Variants in LSM14A observed in about 807,000 individuals in gnomAD.
The protein encoded by LSM14A is protein LSM14 homolog A.
A neutral mutation model predicts 52.4 loss-of-function variants in LSM14A; 14 were observed. That is an observed-to-expected ratio of 0.27 (90% CI 0.18 to 0.42). The LOEUF is 0.42. Ranked by LOEUF, LSM14A falls within the 10% of genes least tolerant of loss-of-function variation. The pLI is 1.00. For synonymous variants in LSM14A, 185 were observed against 200.3 expected (o/e 0.92, Z 0.64); for missense variants, 417 against 581.8 (o/e 0.72, Z 2.91).
rs142773278 is a variant in LSM14A at position 34,198,725 on chromosome 19, G to A, written c.415+1962G>A. On this transcript the variant is annotated intron_variant, in intron 3 of 9. Coordinates refer to ENST00000544216, the MANE Select transcript of LSM14A (RefSeq NM_015578.4). Reference sequence around the variant, plus strand: ...CAGAGGGCTGGGTGCGGTGGCTTACGCCTGTAATCCCAGCACTTTGGGAGG... The same window carrying A: ...CAGAGGGCTGGGTGCGGTGGCTTACACCTGTAATCCCAGCACTTTGGGAGG... Among the ~76,000 whole-genome samples the A allele has an allele frequency of 8.5e-3, 1,296 of 152,160 alleles. 10 individuals are homozygous for A. Among genetic ancestry groups the A allele is most frequent in the South Asian group, 0.02 (98 of 4,820 alleles).
In LSM14A at chr19:34,192,316, G is replaced by GTTTTT. The variant is rs1306000214; in HGVS notation, c.122-2160_122-2159insTTTTT. 1.9e-3 allele frequency among the ~76,000 whole-genome samples: 125 copies of GTTTTT among 65,752 alleles called. 6 individuals carry two copies. The highest frequency in any genetic ancestry group is 2.8e-3 in the Non-Finnish European group (98 of 34,528). 43.1% of individuals were successfully genotyped at this position (65,752 alleles called of 152,430 possible). On this transcript the variant is annotated intron_variant, in intron 1 of 9. Coordinates refer to ENST00000544216, the MANE Select transcript of LSM14A (RefSeq NM_015578.4). ...TTTACACTGAAATAACATTCTTTTT[G>GTTTTT]TTGTTTTTTTTTTTTTTTTTTTTTT...
chr19:34,198,366 C>T lies in LSM14A; in HGVS notation c.415+1603C>T, dbSNP rs558783627. Reference sequence around the variant, plus strand: ...GCGCGGTGGCTCACGCCTGTAATCCCAGCACTTTGGGAGGCTGTGGGCGGA... The same window carrying T: ...GCGCGGTGGCTCACGCCTGTAATCCTAGCACTTTGGGAGGCTGTGGGCGGA... On this transcript the variant is annotated intron_variant, in intron 3 of 9. Coordinates refer to ENST00000544216, the MANE Select transcript of LSM14A (RefSeq NM_015578.4). Among the ~76,000 whole-genome samples, 3 of 152,174 alleles carry T rather than the reference C, an allele frequency of 2.0e-5. No homozygotes were observed. In the East Asian group the frequency reaches 5.8e-4, roughly 29 times the overall value.
At chr19:34,201,722 T>G (rs1286564386) in intron 3 of LSM14A, among the ~76,000 whole-genome samples, 1 of 152,250 alleles carries the variant, frequency 6.6e-6, no homozygotes, top group African/African-American at 2.4e-5. Flanking sequence ...ATTCTGATTT[T>G]AAAAGGAAAT....
intron 3 of LSM14A, among the ~76,000 whole-genome samples, chr19:34,200,482 G>T (rs2071213177): frequency 6.6e-6 from 1 of 152,044 alleles, no homozygotes; most frequent in Non-Finnish European, 1.5e-5. Flanking sequence ...AGGTGGTTTT[G>T]AAGTATTTAA....
intron 9 of LSM14A, among the ~76,000 whole-genome samples, chr19:34,227,038 T>A: frequency 6.6e-6 from 1 of 152,230 alleles, no homozygotes; most frequent in Non-Finnish European, 1.5e-5. Flanking sequence ...TGAGTTTGAC[T>A]ATTGAGTTGA....
chr19:34,210,563 C>T lies in LSM14A; in HGVS notation c.538+1512C>T, dbSNP rs529398328. ...CTGGGATTGTAGATGTGAGCCACTG[C>T]GTCCAGCCTACTTGCTTAATTTTTA... On this transcript the variant is annotated intron_variant, in intron 4 of 9. Transcript: ENST00000544216. Among the ~76,000 whole-genome samples, 11 of 148,820 alleles carry T rather than the reference C, an allele frequency of 7.4e-5. No homozygotes were observed. In the South Asian group the frequency reaches 1.5e-3, roughly 20 times the overall value.
chr19:34,182,460 C>G (rs536226177), intron 1 of LSM14A, among the ~76,000 whole-genome samples: 1 of 152,084 alleles, frequency 6.6e-6, no homozygotes, highest in Non-Finnish European at 1.5e-5. Flanking sequence ...AATGTGATCA[C>G]ACTGGTTTGT....
At position 34,219,832 on chromosome 19, in the gene LSM14A, A is replaced by G. The variant is rs778162704; in HGVS notation, c.1091A>G (p.Asp364Gly). The G allele has an allele frequency of 6.2e-7, 1 of 1,613,404 alleles. No individual in the cohort carries two copies. Among genetic ancestry groups the G allele is most frequent in the Non-Finnish European group, 8.5e-7 (1 of 1,179,364 alleles). ...EDPLGPNCYY[D>G]KTKSFFDNIS... is the part of the protein sequence containing the mutation. The stretch of plus-strand genomic sequence containing the variant: ...CCACTTGGACCTAATTGCTATTATG[A>G]CAAAACTAAATCCTTCTTTGATAAT... Residue 364 changes from aspartate (D) to glycine (G), a missense_variant, in exon 8 of 10, where the codon GAC becomes GGC. Around this residue, in one of 2 missense-constraint regions of LSM14A, gnomAD observed 357 missense variants for 457.0 expected, o/e 0.78. Transcript: ENST00000544216.
intron 1 of LSM14A, among the ~76,000 whole-genome samples, chr19:34,179,977 G>A (rs1457195140): frequency 6.6e-6 from 1 of 152,172 alleles, no homozygotes; most frequent in Middle Eastern, 3.2e-3. Context: ...TGCCCAGGCT[G>A]GAGTGCAGTG....
intron 3 of LSM14A, among the ~76,000 whole-genome samples, chr19:34,202,428 G>C (rs2071367545): frequency 1.3e-5 from 2 of 151,190 alleles, no homozygotes; most frequent in Admixed American, 1.3e-4. Flanking sequence ...GAGAGGTAGA[G>C]GTTGCAATGA....
rs988108246 is a variant in LSM14A, at chr19:34,201,588, G to A, written c.415+4825G>A. The stretch of plus-strand genomic sequence containing the variant: ...AAACTCCTGACCTCTTGATCCGCCC[G>A]CCTCAGCCTCCCAAAGTGCTGGGAT... On this transcript the variant is annotated intron_variant, in intron 3 of 9. Transcript: ENST00000544216. Among the ~76,000 whole-genome samples, 9 of 152,226 alleles carry A rather than the reference G, an allele frequency of 5.9e-5. No individual in the cohort carries two copies. The South Asian group carries it at 1.0e-3, about 18-fold the overall frequency.
intron 1 of LSM14A, among the ~76,000 whole-genome samples, chr19:34,175,952 T>G (rs1441398972): frequency 6.6e-6 from 1 of 151,728 alleles, no homozygotes; most frequent in Non-Finnish European, 1.5e-5. Flanking sequence ...ACCTCCCGGG[T>G]TCAAGCAGTT....
intron 9 of LSM14A, 166 bp downstream of exon 9, chr19:34,221,904 A>G: frequency 1.9e-5 from 25 of 1,327,404 alleles, no homozygotes; most frequent in Non-Finnish European, 2.4e-5. Context: ...ATATATAAAG[A>G]CATTATACAA....
intron 3 of LSM14A, among the ~76,000 whole-genome samples, chr19:34,205,235 C>T (rs3097339): frequency 0.35 from 52,971 of 151,592 alleles, 9,705 homozygotes; most frequent in African/African-American, 0.4. Flanking sequence ...ACCTGTAATC[C>T]CAGCACTTTG....
intron 1 of LSM14A, among the ~76,000 whole-genome samples, chr19:34,174,368 C>T (rs2068932758): frequency 1.3e-5 from 2 of 152,230 alleles, no homozygotes. Context: ...GATAGTTGCA[C>T]AACTCTGCAA....
chr19:34,215,749 T>C, intron 6 of LSM14A, 88 bp downstream of exon 6: 2 of 958,948 alleles, frequency 2.1e-6, no homozygotes, highest in Non-Finnish European at 3.2e-6. Context: ...TATAAAAAAA[T>C]GAAAGGCGGG....
intron 2 of LSM14A, among the ~76,000 whole-genome samples, chr19:34,195,624 C>G (rs2070776477): frequency 2.0e-5 from 3 of 152,152 alleles, no homozygotes; most frequent in Non-Finnish European, 4.4e-5. Flanking sequence ...CTCTCATCTA[C>G]CCCTACCCTT....
chr19:34,202,049 TGG>T (rs1322748595), intron 3 of LSM14A, among the ~76,000 whole-genome samples: 1 of 151,620 alleles, frequency 6.6e-6, no homozygotes, highest in Admixed American at 6.6e-5. Flanking sequence ...CTCGAACTCC[TGG>T]GTTCAGTCTG....
At chr19:34,186,827 C>T (rs754973707) in intron 1 of LSM14A, among the ~76,000 whole-genome samples, 5 of 152,122 alleles carry the variant, frequency 3.3e-5, no homozygotes, top group Non-Finnish European at 7.4e-5. Context: ...ACTTTGTAAG[C>T]GTCTTTTGGA....
Sources: gnomAD v4.1 joint callset for allele counts (sites outside exome capture counted in the v4.1 genomes callset) on GRCh38, gnomAD v4.1.1 for gene constraint, gnomAD v4.1.1 regional missense constraint, MANE v1.5 for transcripts, NCBI Gene and HGNC (gene_info 2026-07-23, HGNC 2026-07-21) for gene names.